ROBO1: variants seen among roughly 807,000 people sequenced by gnomAD.
ROBO1 encodes the protein roundabout homolog 1.
In ROBO1, 149 loss-of-function variants were observed where a neutral mutation model predicts 195.9. The ratio of observed to expected loss-of-function variants is 0.76; its 90% CI spans 0.67 to 0.87. The LOEUF is 0.87. Among genes scored for constraint, ROBO1 ranks in the 40% least tolerant of loss-of-function variants. ROBO1 has a pLI of 0.00. For missense variants in ROBO1, 1,933 were observed against 2,068.3 expected, an observed-to-expected ratio of 0.93 and a Z score of 1.27; for synonymous variants, 816 against 733.2, an observed-to-expected ratio of 1.11 and a Z score of -1.82.
chr3:79,642,023 T>C (rs553258645), intron 1 of ROBO1, among the ~76,000 whole-genome samples: 2 of 152,234 alleles, frequency 1.3e-5, no homozygotes, highest in East Asian at 3.9e-4. Flanking sequence ...TGTTTTGTTT[T>C]GTTTTTTGTT....
chr3:79,001,479 T>C (rs956304160), intron 3 of ROBO1, among the ~76,000 whole-genome samples: 7 of 151,968 alleles, frequency 4.6e-5, no homozygotes, highest in African/African-American at 1.7e-4. Flanking sequence ...GTGAACTTTG[T>C]GTGTAGTGAC....
chr3:79,467,816 A>T (rs1189800728), intron 2 of ROBO1, among the ~76,000 whole-genome samples: 2 of 152,130 alleles, frequency 1.3e-5, no homozygotes, highest in African/African-American at 4.8e-5. Context: ...ACACCCCTAG[A>T]CTGCCGTGGG....
At chr3:79,455,137 A>C (rs1274786997) in intron 2 of ROBO1, among the ~76,000 whole-genome samples, 1 of 151,970 alleles carries the variant, frequency 6.6e-6, no homozygotes, top group African/African-American at 2.4e-5. Flanking sequence ...AAAAAAAAAA[A>C]GGCTAAAATA....
intron 4 of ROBO1, among the ~76,000 whole-genome samples, chr3:78,763,649 T>A: frequency 6.6e-6 from 1 of 152,268 alleles, no homozygotes; most frequent in South Asian, 2.1e-4. Context: ...ATTTATAATT[T>A]AAGTCATTAA....
chr3:79,664,074 T>A (rs562349307), intron 1 of ROBO1, among the ~76,000 whole-genome samples: 74 of 152,186 alleles, frequency 4.9e-4, no homozygotes, highest in Non-Finnish European at 8.2e-4. Context: ...TTCTTAATTC[T>A]TTCAAAATAT....
At chr3:78,958,486 T>C (rs1265010382) in intron 3 of ROBO1, among the ~76,000 whole-genome samples, 1 of 152,194 alleles carries the variant, frequency 6.6e-6, no homozygotes, top group Admixed American at 6.5e-5. Context: ...TTTTGATGTG[T>C]TTGAGAATTA....
chr3:78,603,789 T>G (rs1253681938), intron 29 of ROBO1, among the ~76,000 whole-genome samples: 1 of 152,084 alleles, frequency 6.6e-6, no homozygotes, highest in Admixed American at 6.6e-5. Context: ...CAAATAAAAA[T>G]TTGGAAAAGC....
intron 2 of ROBO1, among the ~76,000 whole-genome samples, chr3:79,572,900 C>T (rs112406584): frequency 2.3e-3 from 343 of 152,086 alleles, no homozygotes; most frequent in African/African-American, 7.6e-3. Context: ...CAATCAGATA[C>T]GCAATATAAG....
intron 2 of ROBO1, among the ~76,000 whole-genome samples, chr3:79,505,111 A>G (rs565302890): frequency 1.2e-4 from 19 of 152,272 alleles, no homozygotes; most frequent in African/African-American, 4.6e-4. Context: ...ATAATTTATC[A>G]TGGAGGTGAA....
intron 2 of ROBO1, among the ~76,000 whole-genome samples, chr3:79,174,063 A>C (rs181059412): frequency 3.9e-5 from 6 of 152,184 alleles, no homozygotes. Context: ...AATCAGCAGG[A>C]TGTGGGTGGT....
chr3:78,669,842 C>T (rs1024552812), intron 11 of ROBO1, among the ~76,000 whole-genome samples: 6 of 152,168 alleles, frequency 3.9e-5, no homozygotes, highest in East Asian at 1.9e-4. Context: ...TTACTTTCCT[C>T]GGTAGGTTCT....
chr3:79,099,064 A>G (rs2079625782), intron 3 of ROBO1, among the ~76,000 whole-genome samples: 1 of 151,814 alleles, frequency 6.6e-6, no homozygotes, highest in African/African-American at 2.4e-5. Context: ...AAGAAAACTC[A>G]GATATTCAAA....
chr3:78,701,394 T>C (rs2081417824), intron 8 of ROBO1, among the ~76,000 whole-genome samples: 1 of 152,184 alleles, frequency 6.6e-6, no homozygotes, highest in South Asian at 2.1e-4. Context: ...TGAAAAGCGA[T>C]GTGAGGCAAC....
chr3:79,010,599 G>A (rs2077752548), intron 3 of ROBO1, among the ~76,000 whole-genome samples: 1 of 151,744 alleles, frequency 6.6e-6, no homozygotes, highest in Admixed American at 6.6e-5. Context: ...AAGTCACTTG[G>A]GTTTTTTCAT....
chr3:79,550,156 A>AAAGG (rs1942426077), intron 2 of ROBO1, among the ~76,000 whole-genome samples: 1 of 65,198 alleles, frequency 1.5e-5, no homozygotes. Context: ...AGAAAGGAAG[A>AAAGG]AAGAAAGAAA....
At position 78,659,770 on chromosome 3, in the gene ROBO1, C is replaced by G; in HGVS notation, c.2358G>C (p.Lys786Asn). Reference sequence around the variant, plus strand: ...GAATTGCAGTTCCGTTTCCATCATTCTTGGATACAGTTACACCTTGGGGTG... The same window carrying G: ...GAATTGCAGTTCCGTTTCCATCATTGTTGGATACAGTTACACCTTGGGGTG... ...SAPPQGVTVSKNDGNGTAILV... is the reference protein window; with the variant it reads ...SAPPQGVTVSNNDGNGTAILV... Residue 786 changes from lysine (K) to asparagine (N), a missense_variant, in exon 17 of 31, where the codon AAG (lysine) becomes AAC (asparagine). This residue lies in a region of ROBO1 where 1,737 missense variants were observed against 1,882.5 expected (regional missense o/e 0.92). Coordinates refer to ENST00000464233, the MANE Select transcript of ROBO1 (RefSeq NM_002941.4). 3.1e-6 allele frequency: 5 copies of G among 1,603,152 alleles called. No individual in the cohort carries two copies. Among genetic ancestry groups the G allele is most frequent in the Non-Finnish European group, 4.3e-6 (5 of 1,174,240 alleles).
chr3:78,710,612 T>C (rs1241065603), intron 8 of ROBO1, among the ~76,000 whole-genome samples: 1 of 152,204 alleles, frequency 6.6e-6, no homozygotes, highest in African/African-American at 2.4e-5. Flanking sequence ...TATTACTGTG[T>C]CCATTTTACA....
intron 2 of ROBO1, among the ~76,000 whole-genome samples, chr3:79,372,047 G>GAATC (rs2036213973): frequency 6.6e-6 from 1 of 152,060 alleles, no homozygotes; most frequent in African/African-American, 2.4e-5. Context: ...TGAGAATCTA[G>GAATC]TGCCGCAGCT....
At chr3:78,669,132 T>G (rs965175138) in intron 11 of ROBO1, among the ~76,000 whole-genome samples, 1 of 152,160 alleles carries the variant, frequency 6.6e-6, no homozygotes, top group African/African-American at 2.4e-5. Context: ...GAACGAACAC[T>G]CTCGCTCCCT....
Sources: gnomAD v4.1 joint callset for allele counts (sites outside exome capture counted in the v4.1 genomes callset) on GRCh38, gnomAD v4.1.1 for gene constraint, gnomAD v4.1.1 regional missense constraint, MANE v1.5 for transcripts, NCBI Gene and HGNC (gene_info 2026-07-23, HGNC 2026-07-21) for gene names.